Variants in BANK1 observed in about 807,000 individuals in gnomAD.
BANK1 encodes the protein B-cell scaffold protein with ankyrin repeats.
Under a neutral mutation model 94.5 loss-of-function variants are expected in BANK1, and 95 were observed. That is an observed-to-expected ratio of 1.00 (90% confidence interval 0.85 to 1.19). BANK1 has a LOEUF of 1.19. Among genes scored for constraint, BANK1 ranks in the 50% most tolerant of loss-of-function variants. The probability of loss-of-function intolerance (pLI) is 0.00; values close to 1 mark genes in which losing one functional copy is unlikely to be tolerated. For synonymous variants in BANK1, 334 were observed against 308.4 expected (o/e 1.08, Z -0.87); for missense variants, 987 against 932.2 (o/e 1.06, Z -0.77).
At chr4:102,030,503 A>G (rs1228983056) in intron 10 of BANK1, among the ~76,000 whole-genome samples, 1 of 151,594 alleles carries the variant, frequency 6.6e-6, no homozygotes, top group East Asian at 1.9e-4. Context: ...GTTACTAGGT[A>G]TGTGCATGCC....
intron 3 of BANK1, among the ~76,000 whole-genome samples, chr4:101,855,488 G>A (rs1242651216): frequency 6.6e-6 from 1 of 152,136 alleles, no homozygotes; most frequent in African/African-American, 2.4e-5. Flanking sequence ...TAGGCAATTA[G>A]CAGGCATTTG....
At chr4:101,952,039 T>C (rs1724177508) in intron 7 of BANK1, among the ~76,000 whole-genome samples, 1 of 152,078 alleles carries the variant, frequency 6.6e-6, no homozygotes, top group Non-Finnish European at 1.5e-5. Flanking sequence ...GGTTGCTAGG[T>C]CATGTACTCA....
chr4:101,950,688 G>A (rs1724118399), intron 7 of BANK1, among the ~76,000 whole-genome samples: 2 of 152,166 alleles, frequency 1.3e-5, no homozygotes, highest in African/African-American at 4.8e-5. Flanking sequence ...CTTTCAAAGA[G>A]TAAAGTTTGA....
At chr4:101,944,645 C>G (rs903187599) in intron 7 of BANK1, among the ~76,000 whole-genome samples, 14 of 151,852 alleles carry the variant, frequency 9.2e-5, no homozygotes, top group African/African-American at 3.1e-4. Flanking sequence ...AGAGCAGAGC[C>G]CTTCAAAGGA....
At chr4:101,976,662 C>T (rs952693563) in intron 7 of BANK1, among the ~76,000 whole-genome samples, 9 of 152,056 alleles carry the variant, frequency 5.9e-5, no homozygotes, top group Admixed American at 1.3e-4. Context: ...TTGATTATCA[C>T]TAGAATGCCA....
intron 7 of BANK1, among the ~76,000 whole-genome samples, chr4:101,957,669 G>A (rs546513312): frequency 2.6e-5 from 4 of 152,234 alleles, no homozygotes; most frequent in South Asian, 4.1e-4. Flanking sequence ...CTTAAAGAGA[G>A]AAAAAGTCTT....
At chr4:102,030,943 G>C (rs546783961) in intron 10 of BANK1, among the ~76,000 whole-genome samples, 4 of 152,220 alleles carry the variant, frequency 2.6e-5, no homozygotes, top group African/African-American at 9.6e-5. Flanking sequence ...ATAATACTTT[G>C]GGTATATACC....
intron 5 of BANK1, among the ~76,000 whole-genome samples, chr4:101,887,459 T>C (rs898960581): frequency 2.0e-5 from 3 of 152,198 alleles, no homozygotes; most frequent in Non-Finnish European, 4.4e-5. Context: ...AGTTTTTGTA[T>C]CTAAGAGTTC....
intron 7 of BANK1, among the ~76,000 whole-genome samples, chr4:101,996,556 A>G (rs879665961): frequency 2.0e-5 from 3 of 152,144 alleles, no homozygotes; most frequent in Non-Finnish European, 2.9e-5. Context: ...CTTCCTTTCT[A>G]TGAGCATGGA....
At chr4:102,067,414 T>C (rs935163988) in intron 13 of BANK1, among the ~76,000 whole-genome samples, 3 of 152,060 alleles carry the variant, frequency 2.0e-5, no homozygotes, top group Admixed American at 2.0e-4. Flanking sequence ...AAAAGACATA[T>C]ATTTTAGATA....
intron 11 of BANK1, among the ~76,000 whole-genome samples, chr4:102,045,113 A>G (rs964446566): frequency 5.9e-5 from 9 of 152,250 alleles, no homozygotes; most frequent in African/African-American, 1.9e-4. Context: ...GCCCATGCCT[A>G]TGTCCTGAAT....
chr4:102,073,496 C>T (rs1306194490), intron 15 of BANK1, among the ~76,000 whole-genome samples, 188 bp from the exon 16 acceptor site: 4 of 152,036 alleles, frequency 2.6e-5, no homozygotes, highest in East Asian at 1.9e-4. Flanking sequence ...TTCAAGGACT[C>T]GGATGCAGTT....
At chr4:101,965,987 A>G (rs1724738956) in intron 7 of BANK1, among the ~76,000 whole-genome samples, 1 of 152,076 alleles carries the variant, frequency 6.6e-6, no homozygotes, top group South Asian at 2.1e-4. Flanking sequence ...ACCAAACCCA[A>G]ATGAAGTTAT....
At chr4:102,010,144 A>G (rs1253692389) in intron 7 of BANK1, among the ~76,000 whole-genome samples, 3 of 151,750 alleles carry the variant, frequency 2.0e-5, no homozygotes, top group Admixed American at 6.6e-5. Flanking sequence ...GGGCGCCTGT[A>G]GTCCCAGCTA....
chr4:101,943,583 A>G (rs1723824124), intron 7 of BANK1, among the ~76,000 whole-genome samples: 1 of 151,672 alleles, frequency 6.6e-6, no homozygotes, highest in Non-Finnish European at 1.5e-5. Context: ...GAAGGAGGAG[A>G]TCTGAGGGAG....
At chr4:101,876,369 G>T (rs569038719) in intron 5 of BANK1, among the ~76,000 whole-genome samples, 3 of 152,326 alleles carry the variant, frequency 2.0e-5, no homozygotes, top group African/African-American at 7.2e-5. Flanking sequence ...GGGAGGCTTT[G>T]TTTGGGCCAA....
chr4:101,876,507 C>T (rs1728495761), intron 5 of BANK1, among the ~76,000 whole-genome samples: 1 of 152,084 alleles, frequency 6.6e-6, no homozygotes, highest in Admixed American at 6.6e-5. Flanking sequence ...TTAGGATGCC[C>T]CCTAAAACAG....
chr4:101,829,956 G>C lies in BANK1; in HGVS notation c.219G>C (p.Leu73=). ...ENFSFRHLEL[L]NLTSYKCKLL... ...TCTCTTTTCGGCATTTGGAGTTGCTGAACTTAACGTCTTACAAATGTAAAC... is the reference window on the plus strand; with the variant it reads ...TCTCTTTTCGGCATTTGGAGTTGCTCAACTTAACGTCTTACAAATGTAAAC... The change falls in exon 2 of 17, where the codon CTG becomes CTC. Residue 73 remains leucine, a synonymous_variant. Transcript: ENST00000322953. 1 of 1,613,928 alleles carries C rather than the reference G, an allele frequency of 6.2e-7. No individual in the cohort carries two copies. The highest frequency in any genetic ancestry group is 8.5e-7 in the Non-Finnish European group (1 of 1,179,914).
At chr4:101,969,585 C>T (rs1396560616) in intron 7 of BANK1, among the ~76,000 whole-genome samples, 1 of 151,556 alleles carries the variant, frequency 6.6e-6, no homozygotes, top group Non-Finnish European at 1.5e-5. Flanking sequence ...CTAAAAGTTT[C>T]TTTGTAAAAA....
Sources: gnomAD v4.1 joint callset for allele counts (sites outside exome capture counted in the v4.1 genomes callset) on GRCh38, gnomAD v4.1.1 for gene constraint, MANE v1.5 for transcripts, NCBI Gene and HGNC (gene_info 2026-07-23, HGNC 2026-07-21) for gene names.